The following COL28A1 variants were observed in gnomAD, a reference collection of about 807,000 sequenced individuals.
The protein encoded by COL28A1 is collagen alpha-1(XXVIII) chain.
A neutral mutation model predicts 150.2 loss-of-function variants in COL28A1; 161 were observed. The ratio of observed to expected loss-of-function variants is 1.07; its 90% CI spans 0.94 to 1.22. The LOEUF is 1.22. Among genes scored for constraint, COL28A1 ranks in the 50% most tolerant of loss-of-function variants. The probability of loss-of-function intolerance (pLI) is 0.00; values close to 1 mark genes in which losing one functional copy is unlikely to be tolerated. For synonymous variants in COL28A1, 552 were observed against 469.7 expected (o/e 1.18, Z -2.26); for missense variants, 1,617 against 1,388.3 (o/e 1.16, Z -2.62).
At chr7:7,503,773 T>C (rs1780658073) in intron 11 of COL28A1, among the ~76,000 whole-genome samples, 1 of 152,122 alleles carries the variant, frequency 6.6e-6, no homozygotes, top group Admixed American at 6.5e-5. Flanking sequence ...AGTAATAGTG[T>C]CAAAGTAAGA....
At chr7:7,516,615 A>G (rs1173857312) in intron 7 of COL28A1, among the ~76,000 whole-genome samples, 1 of 152,152 alleles carries the variant, frequency 6.6e-6, no homozygotes. Context: ...ATACAGCTAT[A>G]TTTTTCAAAT....
chr7:7,512,283 C>T (rs1355052037), intron 8 of COL28A1, among the ~76,000 whole-genome samples: 2 of 152,108 alleles, frequency 1.3e-5, no homozygotes, highest in Non-Finnish European at 2.9e-5. Flanking sequence ...TTCAAGAGAT[C>T]TATTGTTCAA....
At chr7:7,448,587 T>C (rs1005501842) in intron 18 of COL28A1, among the ~76,000 whole-genome samples, 10 of 151,608 alleles carry the variant, frequency 6.6e-5, no homozygotes, top group African/African-American at 2.2e-4. Flanking sequence ...CAAATGTCCA[T>C]ACAAACACAT....
the COL28A1 span, among the ~76,000 whole-genome samples, chr7:7,340,802 G>A: frequency 1.3e-5 from 2 of 151,878 alleles, no homozygotes; most frequent in Non-Finnish European, 2.9e-5. Flanking sequence ...TGCAAACTCT[G>A]GGGAAAAGAA....
At position 7,381,558 on chromosome 7, in the gene COL28A1, G is replaced by A. The variant is rs1337816574; in HGVS notation, c.2191C>T (p.Leu731Phe). The A allele has an allele frequency of 1.2e-6, 2 of 1,613,342 alleles. No homozygotes were observed. The highest frequency in any genetic ancestry group is 1.7e-6 in the Non-Finnish European group (2 of 1,179,316). The change falls in exon 28 of 35, where the codon CTC (leucine) becomes TTC (phenylalanine). Residue 731 changes from leucine to phenylalanine, a missense_variant. Leu to Phe is a conservative substitution (Grantham distance 22). Coordinates refer to ENST00000399429, the MANE Select transcript of COL28A1 (RefSeq NM_001037763.3). ...GAGACACTTACCTTCTGGCCTGGGA[G>A]GCCATGGCCCATTGTGCCCTTTGGG... ...PGPKGTMGHG[L>F]PGQKGEHGER...
At chr7:7,432,259 G>A (rs561615964) in intron 25 of COL28A1, among the ~76,000 whole-genome samples, 3 of 152,258 alleles carry the variant, frequency 2.0e-5, no homozygotes, top group East Asian at 3.9e-4. Context: ...AAAGGAATGC[G>A]AGTTGCTATC....
intron 25 of COL28A1, chr7:7,420,212 G>A: frequency 3.8e-6 from 1 of 262,768 alleles, no homozygotes. Context: ...ATTTGGAAAA[G>A]TAATTACGAG....
At chr7:7,496,566 A>G (rs916339853) in intron 11 of COL28A1, among the ~76,000 whole-genome samples, 1 of 152,158 alleles carries the variant, frequency 6.6e-6, no homozygotes, top group African/African-American at 2.4e-5. Context: ...TTTTTAGCTG[A>G]AAGAGTAATG....
rs187828558 is a variant in COL28A1 at position 7,363,492 on chromosome 7, C to T, written c.3067-2964G>A. On this transcript the variant is annotated intron_variant, in intron 33 of 34. Coordinates refer to ENST00000399429, the MANE Select transcript of COL28A1 (RefSeq NM_001037763.3). ...TATTTCAACAAATGCATAATTATTA[C>T]GGCTTGCTATTTTTATAATTTCCTT... Among the ~76,000 whole-genome samples the T allele has an allele frequency of 9.5e-3, 1,444 of 152,166 alleles. 23 individuals are homozygous for T. The highest frequency in any genetic ancestry group is 0.03 in the South Asian group (143 of 4,818).
At chr7:7,359,235 G>A (rs1371953241) in intron 34 of COL28A1, among the ~76,000 whole-genome samples, 1 of 151,576 alleles carries the variant, frequency 6.6e-6, no homozygotes, top group Non-Finnish European at 1.5e-5. Flanking sequence ...TTCACAGAAG[G>A]CACCACTATG....
chr7:7,451,405 T>G (rs535602571), intron 18 of COL28A1, among the ~76,000 whole-genome samples: 5 of 152,202 alleles, frequency 3.3e-5, no homozygotes, highest in Non-Finnish European at 7.4e-5. Flanking sequence ...TTTGTATTTT[T>G]AGTAGAGACG....
rs1785984662 is a variant in COL28A1, at chr7:7,443,574, C to G, written c.1650+11G>C. On this transcript the variant is annotated intron_variant, in intron 20 of 34. Transcript: ENST00000399429. Reference sequence around the variant, plus strand: ...CACAGGCTGCTTCCACCAACACTGTCATTTCCATACCTTGGGGCCAGGCTG... The same window carrying G: ...CACAGGCTGCTTCCACCAACACTGTGATTTCCATACCTTGGGGCCAGGCTG... 2 of 1,613,948 alleles carry G rather than the reference C, an allele frequency of 1.2e-6. No homozygotes were observed. The highest frequency in any genetic ancestry group is 1.1e-5 in the South Asian group (1 of 91,048).
At chr7:7,506,520 T>C (rs1780819409) in intron 10 of COL28A1, among the ~76,000 whole-genome samples, 1 of 152,176 alleles carries the variant, frequency 6.6e-6, no homozygotes, top group South Asian at 2.1e-4. Flanking sequence ...TCTAGGAGAT[T>C]CTGGGTAAAA....
At position 7,358,343 on chromosome 7, in the gene COL28A1, G is replaced by T; in HGVS notation, c.*290C>A. ...GAATCACATTGCAGGTTGTGAAGTA[G>T]ATAGAGTCTGTGTATTGAAGTTACA... On this transcript the variant is annotated 3_prime_UTR_variant, in exon 35 of 35. Transcript: ENST00000399429. 3.8e-6 allele frequency: 1 copy of T among 262,412 alleles called. No individual in the cohort carries two copies. Among genetic ancestry groups the T allele is most frequent in the South Asian group, 7.7e-5 (1 of 13,008 alleles). The allele number at this position is 262,412 out of a possible 1,614,324, so 16.3% of individuals were successfully genotyped here. A position where few individuals can be genotyped will look rare whatever the true frequency, so the allele number is the denominator to read the frequency against.
downstream of COL28A1, among the ~76,000 whole-genome samples, chr7:7,354,447 T>A (rs1412361412): frequency 6.6e-6 from 1 of 152,170 alleles, no homozygotes; most frequent in Non-Finnish European, 1.5e-5. Context: ...TATTAGAGGC[T>A]ACTCTTATTA....
chr7:7,417,419 C>G (rs1784141085), intron 27 of COL28A1, among the ~76,000 whole-genome samples: 1 of 147,618 alleles, frequency 6.8e-6, no homozygotes, highest in South Asian at 2.1e-4. Context: ...CAAAAGCTCC[C>G]TAGGTGATTC....
chr7:7,477,301 A>G, intron 13 of COL28A1, 121 bp from the exon 14 acceptor site: 1 of 671,884 alleles, frequency 1.5e-6, no homozygotes, highest in African/African-American at 1.8e-5. Context: ...CCAAAAAAAA[A>G]TGGATAGTTG....
intron 25 of COL28A1, among the ~76,000 whole-genome samples, chr7:7,428,673 G>A (rs1292652346): frequency 6.6e-6 from 1 of 152,222 alleles, no homozygotes; most frequent in Non-Finnish European, 1.5e-5. Context: ...CCATCAACGA[G>A]CCAGGAGATT....
chr7:7,350,745 G>A, the COL28A1 span, among the ~76,000 whole-genome samples: 1 of 146,570 alleles, frequency 6.8e-6, no homozygotes, highest in Non-Finnish European at 1.5e-5. Flanking sequence ...ATCCCAAGTT[G>A]CAGATACTGG....
Sources: allele counts gnomAD v4.1 joint callset (sites outside exome capture counted in the v4.1 genomes callset), GRCh38; gene constraint gnomAD v4.1.1; transcripts MANE v1.5; gene names NCBI Gene and HGNC (gene_info 2026-07-23, HGNC 2026-07-21).